Variants in ENPP2 observed in about 807,000 individuals in gnomAD.
ENPP2 encodes the protein ectonucleotide pyrophosphatase/phosphodiesterase 2, also known as autotaxin.
A neutral mutation model predicts 120.2 loss-of-function variants in ENPP2; 51 were observed. The ratio of observed to expected loss-of-function variants is 0.42; its 90% CI spans 0.34 to 0.54. The LOEUF (loss-of-function observed/expected upper bound fraction) is 0.54, where lower values mean the gene tolerates loss of function less well. ENPP2 is among the 20% of genes least tolerant of loss of function. ENPP2 has a pLI of 0.04. For synonymous variants in ENPP2, 365 were observed against 366.4 expected (o/e 1.00, Z 0.04); for missense variants, 920 against 1,066.5 (o/e 0.86, Z 1.91).
intron 24 of ENPP2, among the ~76,000 whole-genome samples, chr8:119,561,856 T>A (rs1813971485): frequency 1.3e-5 from 2 of 152,044 alleles, no homozygotes; most frequent in South Asian, 4.2e-4. Flanking sequence ...AAAGTTTTCA[T>A]GGCTGGGTGC....
At chr8:119,638,921 C>G, upstream of ENPP2, 1 of 1,001,286 alleles carries the variant, frequency 1.0e-6, no homozygotes, top group Non-Finnish European at 1.5e-6. Flanking sequence ...TTGTCCAGAG[C>G]TTGATTACAT....
intron 1 of ENPP2, among the ~76,000 whole-genome samples, chr8:119,657,177 G>A (rs998790105): frequency 4.6e-5 from 7 of 152,014 alleles, no homozygotes; most frequent in Non-Finnish European, 7.4e-5. Flanking sequence ...CACCCTCCTC[G>A]GCCTCCCAAA....
intron 1 of ENPP2, among the ~76,000 whole-genome samples, chr8:119,671,959 G>A (rs937738698): frequency 6.6e-6 from 1 of 152,152 alleles, no homozygotes; most frequent in African/African-American, 2.4e-5. Context: ...AAAGAGAAAG[G>A]AAAGGACCAA....
chr8:119,583,895 C>A, intron 16 of ENPP2, 67 bp downstream of exon 16: 1 of 1,388,812 alleles, frequency 7.2e-7, no homozygotes. Flanking sequence ...TTCACTCACA[C>A]CACCATTACT....
At chr8:119,629,792 C>T (rs1425967252) in intron 2 of ENPP2, among the ~76,000 whole-genome samples, 1 of 144,926 alleles carries the variant, frequency 6.9e-6, no homozygotes, top group Non-Finnish European at 1.5e-5. Flanking sequence ...AGAAGTAAAA[C>T]AAAAAAAAAA....
At chr8:119,619,553 G>A (rs561347720) in intron 4 of ENPP2, among the ~76,000 whole-genome samples, 110 of 152,058 alleles carry the variant, frequency 7.2e-4, no homozygotes, top group Non-Finnish European at 1.4e-3. Flanking sequence ...GAGTCTAAAT[G>A]GTTTGTAGAT....
chr8:119,578,103 T>C (rs1413089921), intron 19 of ENPP2, among the ~76,000 whole-genome samples: 4 of 152,230 alleles, frequency 2.6e-5, no homozygotes, highest in Admixed American at 6.5e-5. Flanking sequence ...CAGGTTGCAG[T>C]GCAGTGGTGC....
At chr8:119,611,383 G>A (rs917525784) in intron 8 of ENPP2, among the ~76,000 whole-genome samples, 7 of 152,192 alleles carry the variant, frequency 4.6e-5, no homozygotes, top group African/African-American at 7.2e-5. Context: ...CAGATCAATC[G>A]CTGAGAATCA....
chr8:119,570,908 G>A (rs2305125), intron 19 of ENPP2, 67 bp from the exon 20 acceptor site: 594,582 of 1,094,378 alleles, frequency 0.54, 164,304 homozygotes, highest in South Asian at 0.77. Context: ...TTAAAGAAAT[G>A]TTGGAAGAGT....
chr8:119,644,583 C>T (rs1004356110), intron 1 of ENPP2, among the ~76,000 whole-genome samples: 2 of 55,724 alleles, frequency 3.6e-5, no homozygotes, highest in African/African-American at 1.0e-4. Flanking sequence ...CTGGAGATTA[C>T]TAAAATATAT....
chr8:119,565,088 G>A lies in ENPP2; in HGVS notation c.2132-133C>T, dbSNP rs545029355. The stretch of plus-strand genomic sequence containing the variant: ...AGACAAGAGAGCTGTCGTGATTCAT[G>A]AGATGAATCAATTCTATGGCATTAC... On this transcript the variant is annotated intron_variant, in intron 22 of 24. Coordinates refer to ENST00000075322, the MANE Select transcript of ENPP2 (RefSeq NM_001040092.3). 1.5e-5 allele frequency: 10 copies of A among 670,508 alleles called. No individual in the cohort carries two copies. The South Asian group carries it at 1.7e-4, about 11-fold the overall frequency. 41.5% of individuals were successfully genotyped at this position (670,508 alleles called of 1,614,324 possible).
At chr8:119,609,453 T>G (rs1277434121) in intron 8 of ENPP2, among the ~76,000 whole-genome samples, 1 of 152,182 alleles carries the variant, frequency 6.6e-6, no homozygotes, top group Non-Finnish European at 1.5e-5. Flanking sequence ...CTGGGATGTT[T>G]GGAGACATAA....
At position 119,586,230 on chromosome 8, in the gene ENPP2, A is replaced by G; in HGVS notation, c.1323T>C (p.Ile441=). Reference sequence around the variant, plus strand: ...GTTCCACCAATAAATGGATATCCTCAATTCTTCTGTTGTTGGCATAGTGCA... The same window carrying G: ...GTTCCACCAATAAATGGATATCCTCGATTCTTCTGTTGTTGGCATAGTGCA... ...KRLHYANNRR[I]EDIHLLVERR... The change falls in exon 15 of 25, where the codon ATT becomes ATC. Residue 441 remains isoleucine (I), a synonymous_variant. Coordinates refer to ENST00000075322, the MANE Select transcript of ENPP2 (RefSeq NM_001040092.3). The G allele has an allele frequency of 6.2e-7, 1 of 1,614,010 alleles. No individual in the cohort carries two copies. The highest frequency in any genetic ancestry group is 1.6e-4 in the Middle Eastern group (1 of 6,062).
chr8:119,600,686 C>T lies in ENPP2; in HGVS notation c.964G>A (p.Gly322Ser), dbSNP rs371169598. Residue 322 changes from glycine to serine, a missense_variant, in exon 11 of 25, where the codon GGC becomes AGC. Gly to Ser is a moderately conservative substitution (Grantham distance 56). Transcript: ENST00000075322. ...GATGCTAAACCACTAACCTCAGGGCCGAAAGGGCCATATTTGTGTCCAGAG... is the reference window on the plus strand; with the variant it reads ...GATGCTAAACCACTAACCTCAGGGCTGAAAGGGCCATATTTGTGTCCAGAG... ...DFSGHKYGPF[G>S]PEMTNPLREI... The T allele has an allele frequency of 2.5e-6, 4 of 1,609,002 alleles. No homozygotes were observed. The highest frequency in any genetic ancestry group is 1.1e-5 in the South Asian group (1 of 90,988).
At chr8:119,639,206 G>A (rs538000301), upstream of ENPP2, among the ~76,000 whole-genome samples, 5 of 152,284 alleles carry the variant, frequency 3.3e-5, no homozygotes, top group African/African-American at 1.2e-4. Flanking sequence ...CCAGCTTTAA[G>A]CTTTTAAGGT....
intron 1 of ENPP2, among the ~76,000 whole-genome samples, chr8:119,670,585 C>T (rs1443662002): frequency 2.0e-5 from 3 of 152,044 alleles, no homozygotes; most frequent in Non-Finnish European, 4.4e-5. Flanking sequence ...GTGCTCTGAC[C>T]CACAGAAATA....
At chr8:119,647,583 T>TA (rs1368994217) in intron 1 of ENPP2, among the ~76,000 whole-genome samples, 3 of 152,210 alleles carry the variant, frequency 2.0e-5, no homozygotes, top group Non-Finnish European at 2.9e-5. Flanking sequence ...TGTTTCCAAA[T>TA]AAAATCTTAA....
chr8:119,651,955 A>T (rs1817639359), intron 1 of ENPP2, among the ~76,000 whole-genome samples: 1 of 152,242 alleles, frequency 6.6e-6, no homozygotes, highest in African/African-American at 2.4e-5. Flanking sequence ...GTACCGCTTG[A>T]TATCAAGGAT....
intron 9 of ENPP2, among the ~76,000 whole-genome samples, chr8:119,605,652 G>A (rs1814670595): frequency 6.7e-6 from 1 of 149,996 alleles, no homozygotes; most frequent in Non-Finnish European, 1.5e-5. Flanking sequence ...TTTTTTAGGA[G>A]AGACGAGGGT....
Sources: gnomAD v4.1 joint callset for allele counts (sites outside exome capture counted in the v4.1 genomes callset) on GRCh38, gnomAD v4.1.1 for gene constraint, MANE v1.5 for transcripts, NCBI Gene and HGNC (gene_info 2026-07-23, HGNC 2026-07-21) for gene names.